SPIC: variants seen among roughly 807,000 people sequenced by gnomAD.
SPIC encodes transcription factor Spi-C.
A neutral mutation model predicts 16.7 loss-of-function variants in SPIC; 9 were observed. The ratio of observed to expected loss-of-function variants is 0.54; its 90% confidence interval spans 0.33 to 0.94. The LOEUF is 0.94. Ranked by LOEUF, SPIC falls within the 40% of genes least tolerant of loss-of-function variation. SPIC has a pLI of 0.03. For missense variants in SPIC, 241 were observed against 285.8 expected, an observed-to-expected ratio of 0.84 and a Z score of 1.13; for synonymous variants, 97 against 102.9, an observed-to-expected ratio of 0.94 and a Z score of 0.35.
chr12:101,478,100 C>T (rs1186386827), intron 3 of SPIC, among the ~76,000 whole-genome samples: 4 of 146,950 alleles, frequency 2.7e-5, no homozygotes, highest in South Asian at 2.2e-4. Flanking sequence ...GGCGCGATCT[C>T]GGCTCACTGC....
In SPIC at chr12:101,486,490, A is replaced by G. The variant is rs574189804; in HGVS notation, c.466A>G (p.Lys156Glu). 2 of 1,614,176 alleles carry G rather than the reference A, an allele frequency of 1.2e-6. No homozygotes were observed. The highest frequency in any genetic ancestry group is 1.3e-5 in the African/African-American group (1 of 75,044). The change falls in exon 6 of 6, where the codon AAA becomes GAA. Residue 156 changes from lysine to glutamate, a missense_variant. Lys to Glu is a moderately conservative substitution (Grantham distance 56, BLOSUM62 1). Transcript: ENST00000551346. ...AGAAAAACTTGCCGAGCTTTGGGGG[A>G]AAAGAAAAGGCAACAGGAAGACCAT... ...NKEKLAELWG[K>E]RKGNRKTMTY...
At chr12:101,479,154 AAAAG>A (rs1168515672) in intron 3 of SPIC, among the ~76,000 whole-genome samples, 2 of 131,932 alleles carry the variant, frequency 1.5e-5, no homozygotes, top group African/African-American at 5.8e-5. Context: ...AAAAAGAAAG[AAAAG>A]AAAGAAAGAA....
At chr12:101,484,580 A>G (rs1873307860) in intron 5 of SPIC, among the ~76,000 whole-genome samples, 1 of 151,280 alleles carries the variant, frequency 6.6e-6, no homozygotes, top group Non-Finnish European at 1.5e-5. Context: ...AAATAGATAG[A>G]TAAATATATA....
intron 5 of SPIC, 24 bp downstream of exon 5, chr12:101,482,924 T>C (rs771145402): frequency 1.9e-6 from 3 of 1,598,032 alleles, no homozygotes; most frequent in Non-Finnish European, 2.6e-6. Flanking sequence ...TCATTCGTTA[T>C]ACAGGTAAAA....
At chr12:101,476,962 A>G in intron 2 of SPIC, 55 bp downstream of exon 2, 3 of 1,249,252 alleles carry the variant, frequency 2.4e-6, no homozygotes, top group Non-Finnish European at 3.2e-6. Context: ...GCTCTACAGC[A>G]TAATAATTAA....
chr12:101,475,873 A>G (rs1281652171), intron 1 of SPIC, among the ~76,000 whole-genome samples: 1 of 152,030 alleles, frequency 6.6e-6, no homozygotes. Context: ...TGATTTCTGG[A>G]TTTTCTTCTA....
chr12:101,479,528 A>G, intron 3 of SPIC, 54 bp from the exon 4 acceptor site: 2 of 1,371,054 alleles, frequency 1.5e-6, no homozygotes, highest in Non-Finnish European at 2.1e-6. Flanking sequence ...ACATATTTAT[A>G]TGCACAAATA....
At position 101,486,750 on chromosome 12, in the gene SPIC, G is replaced by A; in HGVS notation, c.726G>A (p.Glu242=). 1 of 1,576,312 alleles carries A rather than the reference G, an allele frequency of 6.3e-7. No individual in the cohort carries two copies. The highest frequency in any genetic ancestry group is 2.3e-5 in the East Asian group (1 of 44,292). The change falls in exon 6 of 6, where the codon GAG becomes GAA. Residue 242 remains glutamate (E), a synonymous_variant. Transcript: ENST00000551346. ...NYNYTYANYH[E]LNHHDC The stretch of plus-strand genomic sequence containing the variant: ...ATTATACATATGCCAATTACCATGA[G>A]CTAAATCACCATGATTGCTAAATAT...
At chr12:101,483,918 GC>G (rs1396633770) in intron 5 of SPIC, among the ~76,000 whole-genome samples, 4 of 151,714 alleles carry the variant, frequency 2.6e-5, no homozygotes, top group Non-Finnish European at 4.4e-5. Flanking sequence ...GATTCAGGCA[GC>G]CCCCCCGAAC....
chr12:101,479,176 G>GAAAGAAAGAAAGAA (rs1873063929), intron 3 of SPIC, among the ~76,000 whole-genome samples: 1 of 38,490 alleles, frequency 2.6e-5, no homozygotes, highest in African/African-American at 9.8e-5. Flanking sequence ...GAAAGAAAAA[G>GAAAGAAAGAAAGAA]AAAGAAAGAA....
chr12:101,475,797 C>A (rs1004234119), intron 1 of SPIC, among the ~76,000 whole-genome samples: 5 of 152,118 alleles, frequency 3.3e-5, no homozygotes, highest in African/African-American at 1.2e-4. Context: ...AATTGAAAAT[C>A]ACTGACATGG....
At chr12:101,481,595 C>T (rs1010481233) in intron 4 of SPIC, among the ~76,000 whole-genome samples, 7 of 147,928 alleles carry the variant, frequency 4.7e-5, no homozygotes, top group Non-Finnish European at 7.5e-5. Flanking sequence ...CTGCATCCTC[C>T]GCCTCCCAGG....
intron 4 of SPIC, among the ~76,000 whole-genome samples, chr12:101,481,765 C>T (rs1873205718): frequency 6.6e-6 from 1 of 151,442 alleles, no homozygotes; most frequent in Non-Finnish European, 1.5e-5. Context: ...CCACCCACCT[C>T]GGCCTCCCAA....
At position 101,479,650 on chromosome 12, in the gene SPIC, G is replaced by C. The variant is rs754042437; in HGVS notation, c.166G>C (p.Val56Leu). ...HVKGNSSCYG[V>L]LPTEEPVYNW... ...CAAAGGAAATTCCAGCTGCTATGGA[G>C]TGTTGCCTACAGAGGAGCCTGTCTA... The change falls in exon 4 of 6, where the codon GTG (valine) becomes CTG (leucine). Residue 56 changes from valine (V) to leucine (L), a missense_variant. Coordinates refer to ENST00000551346, the MANE Select transcript of SPIC (RefSeq NM_152323.3). 4 of 1,613,704 alleles carry C rather than the reference G, an allele frequency of 2.5e-6. No individual in the cohort carries two copies. The highest frequency in any genetic ancestry group is 3.4e-6 in the Non-Finnish European group (4 of 1,179,744).
At chr12:101,485,710 T>C (rs1873343173) in intron 5 of SPIC, among the ~76,000 whole-genome samples, 1 of 152,240 alleles carries the variant, frequency 6.6e-6, no homozygotes, top group East Asian at 1.9e-4. Flanking sequence ...TTTCTGGAAA[T>C]GGCTTTTTGA....
intron 5 of SPIC, among the ~76,000 whole-genome samples, chr12:101,484,022 A>G (rs545717337): frequency 6.6e-6 from 1 of 151,418 alleles, no homozygotes; most frequent in Non-Finnish European, 1.5e-5. Flanking sequence ...AATTTTTTTG[A>G]AACAGAGTCT....
chr12:101,479,799 T>C, intron 4 of SPIC, 105 bp downstream of exon 4: 1 of 739,628 alleles, frequency 1.4e-6, no homozygotes, highest in Non-Finnish European at 2.1e-6. Flanking sequence ...GCATTGACTA[T>C]GAAAATGGTT....
At chr12:101,481,082 C>T (rs1488400773) in intron 4 of SPIC, among the ~76,000 whole-genome samples, 2 of 152,160 alleles carry the variant, frequency 1.3e-5, no homozygotes, top group Admixed American at 1.3e-4. Flanking sequence ...CAGCCCCTTC[C>T]GGTGTTTAAC....
chr12:101,479,529 T>G (rs1009248429), intron 3 of SPIC, 53 bp from the exon 4 acceptor site: 30 of 1,388,512 alleles, frequency 2.2e-5, no homozygotes, highest in Admixed American at 3.5e-5. Context: ...CATATTTATA[T>G]GCACAAATAC....
Sources: gnomAD v4.1 joint callset for allele counts (sites outside exome capture counted in the v4.1 genomes callset) on GRCh38, gnomAD v4.1.1 for gene constraint, MANE v1.5 for transcripts, NCBI Gene and HGNC (gene_info 2026-07-23, HGNC 2026-07-21) for gene names.